PTPRN2: variants seen among roughly 807,000 people sequenced by gnomAD.
The protein encoded by PTPRN2 is receptor-type tyrosine-protein phosphatase N2.
In PTPRN2, 74 loss-of-function variants were observed where a neutral mutation model predicts 118.8. That is an observed-to-expected ratio of 0.62 (90% CI 0.52 to 0.76). The LOEUF is 0.76. Ranked by LOEUF, PTPRN2 falls within the 30% of genes least tolerant of loss-of-function variation. The probability of loss-of-function intolerance (pLI) is 0.00; values close to 1 mark genes in which losing one functional copy is unlikely to be tolerated. For missense variants in PTPRN2, 1,481 were observed against 1,394.4 expected (o/e 1.06, Z -0.99); for synonymous variants, 641 against 608.0 (o/e 1.05, Z -0.80).
chr7:158,421,050 A>G (rs1364350056), intron 2 of PTPRN2, among the ~76,000 whole-genome samples: 5 of 152,158 alleles, frequency 3.3e-5, no homozygotes, highest in Admixed American at 6.5e-5. Context: ...TCCTCTGCTC[A>G]AGTATCTGAG....
At chr7:157,782,495 A>G (rs73504464) in intron 12 of PTPRN2, among the ~76,000 whole-genome samples, 2,250 of 152,312 alleles carry the variant, frequency 0.015, 51 homozygotes, top group African/African-American at 0.052. Context: ...TCATCCAGGC[A>G]TGGGAAGCTG....
At chr7:158,146,171 C>G (rs1230688633) in intron 6 of PTPRN2, among the ~76,000 whole-genome samples, 2 of 152,210 alleles carry the variant, frequency 1.3e-5, no homozygotes, top group East Asian at 1.9e-4. Flanking sequence ...AGTCAGAGAG[C>G]CCCTTAGATG....
At chr7:157,760,911 C>A (rs111515526) in intron 12 of PTPRN2, among the ~76,000 whole-genome samples, 17,952 of 152,174 alleles carry the variant, frequency 0.12, 1,367 homozygotes, top group African/African-American at 0.2. Context: ...TTATTTCCTT[C>A]TCCTGCCTAA....
At chr7:157,579,610 C>T (rs1800239075) in intron 17 of PTPRN2, among the ~76,000 whole-genome samples, 1 of 152,232 alleles carries the variant, frequency 6.6e-6, no homozygotes, top group African/African-American at 2.4e-5. Context: ...AGAGCCCCGT[C>T]GACTGGGGGG....
intron 12 of PTPRN2, among the ~76,000 whole-genome samples, chr7:157,823,026 C>T (rs563379606): frequency 6.6e-6 from 1 of 152,144 alleles, no homozygotes; most frequent in African/African-American, 2.4e-5. Context: ...ACCCATCCAT[C>T]TTTCTATCCT....
At chr7:158,518,304 G>A (rs746196865) in intron 1 of PTPRN2, among the ~76,000 whole-genome samples, 14 of 152,132 alleles carry the variant, frequency 9.2e-5, no homozygotes, top group Non-Finnish European at 1.8e-4. Flanking sequence ...GAGACGATAC[G>A]GATTTCACGG....
At chr7:157,811,130 G>A (rs1806003940) in intron 12 of PTPRN2, among the ~76,000 whole-genome samples, 1 of 151,528 alleles carries the variant, frequency 6.6e-6, no homozygotes, top group African/African-American at 2.4e-5. Flanking sequence ...AATTAGCCGG[G>A]CGTGGTGGCG....
intron 6 of PTPRN2, among the ~76,000 whole-genome samples, chr7:158,144,871 C>T (rs1225133822): frequency 6.6e-6 from 1 of 152,230 alleles, no homozygotes; most frequent in Non-Finnish European, 1.5e-5. Flanking sequence ...CCCTCTCAAA[C>T]CCACACAGAG....
chr7:158,272,717 G>A (rs1370858169), intron 3 of PTPRN2, among the ~76,000 whole-genome samples: 2 of 152,172 alleles, frequency 1.3e-5, no homozygotes, highest in Non-Finnish European at 2.9e-5. Context: ...CCCTCAGGAT[G>A]GAGACAGTCG....
chr7:158,265,518 C>T (rs1267571227), intron 3 of PTPRN2, among the ~76,000 whole-genome samples: 2 of 152,128 alleles, frequency 1.3e-5, no homozygotes, highest in African/African-American at 2.4e-5. Flanking sequence ...TGCATATATC[C>T]CCCCATGTCC....
intron 2 of PTPRN2, among the ~76,000 whole-genome samples, chr7:158,381,854 G>C (rs1290965884): frequency 6.6e-6 from 1 of 152,176 alleles, no homozygotes; most frequent in African/African-American, 2.4e-5. Context: ...GCAGGTAAGA[G>C]AGAGTTTGTG....
At chr7:158,207,130 A>G (rs1288666304) in intron 3 of PTPRN2, among the ~76,000 whole-genome samples, 2 of 147,854 alleles carry the variant, frequency 1.4e-5, no homozygotes, top group East Asian at 3.9e-4. Context: ...CCTACAAAGG[A>G]CATGCACTCA....
chr7:157,701,761 TGTAA>T (rs1798078564), intron 12 of PTPRN2, among the ~76,000 whole-genome samples: 10 of 152,298 alleles, frequency 6.6e-5, no homozygotes, highest in East Asian at 5.8e-4. Flanking sequence ...TCAATGCTGG[TGTAA>T]CTGACACGGG....
At chr7:158,401,459 G>A (rs916044469) in intron 2 of PTPRN2, among the ~76,000 whole-genome samples, 9 of 152,226 alleles carry the variant, frequency 5.9e-5, no homozygotes, top group African/African-American at 1.7e-4. Context: ...GCCACGGGAC[G>A]GCCCCACGGG....
intron 12 of PTPRN2, among the ~76,000 whole-genome samples, chr7:157,851,873 C>T (rs1449963643): frequency 6.6e-6 from 1 of 152,250 alleles, no homozygotes; most frequent in African/African-American, 2.4e-5. Context: ...CGCGCCTGCC[C>T]TACCACTGAA....
Position 158,196,642 on chromosome 7 carries a change from C to T in PTPRN2, c.381-4147G>A, listed in dbSNP as rs547035053. On this transcript the variant is annotated intron_variant, in intron 4 of 22. Coordinates refer to ENST00000389418, the MANE Select transcript of PTPRN2 (RefSeq NM_002847.5). ...GACTACAGAGTCTGCTGTCCAGACA[C>T]CCAACCGAGATGTAGCTCCCCGGGC... 3.3e-5 allele frequency among the ~76,000 whole-genome samples: 5 copies of T among 152,326 alleles called. No homozygotes were observed. The South Asian group carries it at 1.0e-3, about 32-fold the overall frequency.
At chr7:158,019,464 T>C (rs1235664618) in intron 11 of PTPRN2, among the ~76,000 whole-genome samples, 1 of 152,224 alleles carries the variant, frequency 6.6e-6, no homozygotes, top group Non-Finnish European at 1.5e-5. Context: ...GACAGCGCGG[T>C]AGAGGCCAGG....
chr7:158,332,188 G>C (rs1370742380), intron 2 of PTPRN2, among the ~76,000 whole-genome samples: 23 of 148,976 alleles, frequency 1.5e-4, no homozygotes, highest in Admixed American at 6.0e-4. Context: ...CTCACCATAA[G>C]ATGTGACACC....
At chr7:158,359,235 A>G (rs1808642485) in intron 2 of PTPRN2, among the ~76,000 whole-genome samples, 1 of 152,276 alleles carries the variant, frequency 6.6e-6, no homozygotes, top group South Asian at 2.1e-4. Flanking sequence ...ACACAAGTCT[A>G]CAGAGGCGAC....
Sources: allele counts gnomAD v4.1 joint callset (sites outside exome capture counted in the v4.1 genomes callset), GRCh38; gene constraint gnomAD v4.1.1; transcripts MANE v1.5; gene names NCBI Gene and HGNC (gene_info 2026-07-23, HGNC 2026-07-21).